STPG2: variants seen among roughly 807,000 people sequenced by gnomAD.
The protein encoded by STPG2 is sperm-tail PG-rich repeat-containing protein 2.
Under a neutral mutation model 54.2 loss-of-function variants are expected in STPG2, and 56 were observed. That is an observed-to-expected ratio of 1.03 (90% CI 0.83 to 1.29). The LOEUF is 1.29. STPG2 is among the 50% of genes most tolerant of loss of function. The probability of loss-of-function intolerance (pLI) is 0.00; values close to 1 mark genes in which losing one functional copy is unlikely to be tolerated. For missense variants in STPG2, 596 were observed against 544.9 expected (o/e 1.09, Z -0.93); for synonymous variants, 200 against 181.8 (o/e 1.10, Z -0.81).
chr4:98,132,850 A>C (rs2110166787), intron 2 of STPG2, among the ~76,000 whole-genome samples: 1 of 151,906 alleles, frequency 6.6e-6, no homozygotes, highest in South Asian at 2.1e-4. Context: ...AGAGAGTGCA[A>C]GAAAACTGTT....
chr4:98,110,269 G>A (rs1436556195), intron 3 of STPG2, among the ~76,000 whole-genome samples: 1 of 152,080 alleles, frequency 6.6e-6, no homozygotes, highest in Non-Finnish European at 1.5e-5. Flanking sequence ...TGGCACCAGG[G>A]AAAGGCAGTC....
chr4:98,011,002 C>T (rs185996090), intron 5 of STPG2, among the ~76,000 whole-genome samples: 139 of 152,122 alleles, frequency 9.1e-4, no homozygotes, highest in Non-Finnish European at 1.6e-3. Flanking sequence ...ATGTGCAGAA[C>T]GTGCAGGTTT....
chr4:97,720,686 T>C (rs1418192409), intron 9 of STPG2, among the ~76,000 whole-genome samples: 1 of 151,966 alleles, frequency 6.6e-6, no homozygotes, highest in African/African-American at 2.4e-5. Flanking sequence ...AAAATAGAGG[T>C]AATTTTTGTT....
intron 4 of STPG2, among the ~76,000 whole-genome samples, chr4:97,480,740 T>C (rs1200755991): frequency 6.6e-6 from 1 of 151,630 alleles, no homozygotes; most frequent in Non-Finnish European, 1.5e-5. Context: ...GAAATGCCTA[T>C]TCAAATATTT....
intron 7 of STPG2, among the ~76,000 whole-genome samples, chr4:97,946,378 T>C (rs1379332261): frequency 2.0e-5 from 3 of 152,204 alleles, no homozygotes; most frequent in African/African-American, 7.2e-5. Context: ...TCTTTTGCTA[T>C]ACAGAAGCTC....
At chr4:97,727,703 C>T (rs1199945253) in intron 9 of STPG2, among the ~76,000 whole-genome samples, 1 of 145,740 alleles carries the variant, frequency 6.9e-6, no homozygotes, top group Non-Finnish European at 1.5e-5. Flanking sequence ...GCATTTCCAA[C>T]ACGTATGATC....
At chr4:97,475,245 G>A (rs1189662966) in intron 4 of STPG2, among the ~76,000 whole-genome samples, 1 of 151,588 alleles carries the variant, frequency 6.6e-6, no homozygotes, top group Non-Finnish European at 1.5e-5. Flanking sequence ...CCAAACTTTT[G>A]TTGAAAACAG....
chr4:97,566,471 C>T (rs1041058124), intron 10 of STPG2, among the ~76,000 whole-genome samples: 2 of 152,186 alleles, frequency 1.3e-5, no homozygotes, highest in East Asian at 3.9e-4. Flanking sequence ...CTGGCACTCC[C>T]TAGTGAGACG....
chr4:98,142,371 A>C (rs1183952757), intron 1 of STPG2, among the ~76,000 whole-genome samples: 1 of 152,222 alleles, frequency 6.6e-6, no homozygotes, highest in East Asian at 1.9e-4. Context: ...CCAGAATAGA[A>C]AAAGTAGAAA....
At chr4:97,801,818 A>G (rs988396639) in intron 9 of STPG2, among the ~76,000 whole-genome samples, 1 of 151,898 alleles carries the variant, frequency 6.6e-6, no homozygotes, top group East Asian at 1.9e-4. Context: ...CACCTTTCCT[A>G]TCCTATCCCT....
intron 1 of STPG2, among the ~76,000 whole-genome samples, chr4:98,136,246 TTAA>T (rs1328227708): frequency 6.6e-6 from 1 of 151,680 alleles, no homozygotes; most frequent in Non-Finnish European, 1.5e-5. Flanking sequence ...TTCTCAATTC[TTAA>T]TCCCTTTAAA....
At chr4:97,854,659 C>T (rs1269673741) in intron 8 of STPG2, among the ~76,000 whole-genome samples, 1 of 151,812 alleles carries the variant, frequency 6.6e-6, no homozygotes, top group Non-Finnish European at 1.5e-5. Flanking sequence ...TCAATTCTAC[C>T]ATATCAATAA....
At chr4:98,100,125 C>T (rs544053067) in intron 5 of STPG2, among the ~76,000 whole-genome samples, 11 of 151,934 alleles carry the variant, frequency 7.2e-5, no homozygotes, top group Admixed American at 3.3e-4. Context: ...ACTGCTTAGG[C>T]AATAGGATAA....
chr4:97,838,649 C>A (rs1438572274), intron 9 of STPG2, among the ~76,000 whole-genome samples: 1 of 151,380 alleles, frequency 6.6e-6, no homozygotes, highest in East Asian at 1.9e-4. Flanking sequence ...GAAAGTTAAT[C>A]TTCAATTACC....
chr4:97,860,746 A>T (rs909408912), intron 8 of STPG2, among the ~76,000 whole-genome samples: 4 of 152,070 alleles, frequency 2.6e-5, no homozygotes, highest in Non-Finnish European at 5.9e-5. Flanking sequence ...CCTCCTTTTT[A>T]TCAATTTAGA....
At chr4:97,654,653 G>A (rs73834132) in intron 10 of STPG2, among the ~76,000 whole-genome samples, 2,850 of 152,088 alleles carry the variant, frequency 0.019, 81 homozygotes, top group African/African-American at 0.064. Context: ...TAAGAGCAAT[G>A]ACTTCTGTCT....
At chr4:98,134,294 T>G in intron 2 of STPG2, 53 bp downstream of exon 2, 2 of 1,028,116 alleles carry the variant, frequency 1.9e-6, no homozygotes, top group Non-Finnish European at 2.7e-6. Context: ...TTTGGTCTAT[T>G]CAGGGAAGAA....
intron 3 of STPG2, 152 bp from the exon 4 acceptor site, chr4:98,109,457 T>A (rs752675311): frequency 5.3e-5 from 30 of 570,682 alleles, no homozygotes; most frequent in Non-Finnish European, 9.0e-5. Flanking sequence ...CTTGGATAGA[T>A]CCCAGGCTAA....
intron 8 of STPG2, among the ~76,000 whole-genome samples, chr4:97,936,792 T>C (rs1732760511): frequency 6.6e-6 from 1 of 152,180 alleles, no homozygotes; most frequent in Non-Finnish European, 1.5e-5. Flanking sequence ...CTGGCCTTTA[T>C]ATCTGGCTGC....
Sources: allele counts gnomAD v4.1 joint callset (sites outside exome capture counted in the v4.1 genomes callset), GRCh38; gene constraint gnomAD v4.1.1; transcripts MANE v1.5; gene names NCBI Gene and HGNC (gene_info 2026-07-23, HGNC 2026-07-21).